The following CFAP20DC variants were observed in gnomAD, a reference collection of about 807,000 sequenced individuals.
CFAP20DC encodes the protein CFAP20 domain containing.
Under a neutral mutation model 101.7 loss-of-function variants are expected in CFAP20DC, and 84 were observed. The observed-to-expected ratio is 0.83, with a 90% CI of 0.69 to 0.99. The LOEUF (loss-of-function observed/expected upper bound fraction) is 0.99. CFAP20DC is among the 50% of genes least tolerant of loss of function. CFAP20DC has a pLI of 0.00. For synonymous variants in CFAP20DC, 359 were observed against 351.2 expected (o/e 1.02, Z -0.25); for missense variants, 1,007 against 970.3 (o/e 1.04, Z -0.50).
At chr3:58,718,485 C>T (rs2067426577) in intron 3 of CFAP20DC, among the ~76,000 whole-genome samples, 1 of 152,208 alleles carries the variant, frequency 6.6e-6, no homozygotes, top group Non-Finnish European at 1.5e-5. Context: ...CCTCTGTCCA[C>T]TCTGGGGCAC....
chr3:58,738,451 G>A (rs1282093844), downstream of CFAP20DC, among the ~76,000 whole-genome samples: 2 of 151,984 alleles, frequency 1.3e-5, no homozygotes, highest in African/African-American at 4.8e-5. This position sits in a 1 kb window ranked among gnomAD's most constrained non-coding sequence, Gnocchi z 4.4. Flanking sequence ...TTAGTTTTCT[G>A]TTCCTGCATT....
At chr3:58,813,561 C>A (rs2074853280) in intron 14 of CFAP20DC, among the ~76,000 whole-genome samples, 2 of 151,790 alleles carry the variant, frequency 1.3e-5, no homozygotes, top group African/African-American at 4.9e-5. Context: ...AGCCATGGTG[C>A]CTGTATATAC....
intron 13 of CFAP20DC, among the ~76,000 whole-genome samples, chr3:58,845,511 G>A (rs1030604957): frequency 5.3e-5 from 8 of 150,306 alleles, no homozygotes; most frequent in Non-Finnish European, 1.2e-4. Flanking sequence ...TGAAATTGTG[G>A]CAATAATCAA....
chr3:58,893,972 C>CA (rs2082465389), intron 6 of CFAP20DC, among the ~76,000 whole-genome samples: 1 of 151,842 alleles, frequency 6.6e-6, no homozygotes, highest in Non-Finnish European at 1.5e-5. Context: ...TGGCAGCAGG[C>CA]AAAAAAAGCT....
Position 58,718,185 on chromosome 3 carries a change from A to G in CFAP20DC, c.198-557T>C, listed in dbSNP as rs138722237. 1.1e-4 allele frequency among the ~76,000 whole-genome samples: 16 copies of G among 152,308 alleles called. No homozygotes were observed. The East Asian group carries it at 3.1e-3, about 29-fold the overall frequency. ...GGATAAAAATGTGGTAGGATTATAA[A>G]AATCACTCACACTGCACCCAGATGG... On this transcript the variant is annotated intron_variant, in intron 3 of 3. Transcript: ENST00000486145.
At position 58,822,904 on chromosome 3, in the gene CFAP20DC, T is replaced by C. The variant is rs546068921; in HGVS notation, c.2175+8782A>G. Among the ~76,000 whole-genome samples, 39 of 152,264 alleles carry C rather than the reference T, an allele frequency of 2.6e-4. 1 individual carries two copies. The South Asian group carries it at 8.1e-3, about 32-fold the overall frequency. On this transcript the variant is annotated intron_variant, in intron 14 of 16. Coordinates refer to ENST00000482387, the MANE Select transcript of CFAP20DC (RefSeq NM_001394063.1). ...CTGGAGCAGGTCATAAGATACTCAT[T>C]TGAGAGATGCCGTCCCTATCCCCTG...
At chr3:58,976,103 T>C (rs1302487100) in intron 4 of CFAP20DC, among the ~76,000 whole-genome samples, 2 of 152,238 alleles carry the variant, frequency 1.3e-5, no homozygotes, top group Admixed American at 6.5e-5. Flanking sequence ...ACTTCACTTA[T>C]ACACCACATT....
chr3:58,877,032 T>G (rs968489812), intron 7 of CFAP20DC, among the ~76,000 whole-genome samples: 2 of 152,242 alleles, frequency 1.3e-5, no homozygotes, highest in African/African-American at 4.8e-5. Context: ...GGCATTTTTG[T>G]TAGAGCACAT....
At chr3:58,909,280 T>C (rs543470804) in intron 6 of CFAP20DC, among the ~76,000 whole-genome samples, 2 of 152,298 alleles carry the variant, frequency 1.3e-5, no homozygotes, top group South Asian at 2.1e-4. Flanking sequence ...AACTCTATAC[T>C]GTCCGCTTCA....
chr3:58,876,974 C>A (rs1473409683), intron 7 of CFAP20DC, among the ~76,000 whole-genome samples: 1 of 152,130 alleles, frequency 6.6e-6, no homozygotes, highest in Admixed American at 6.5e-5. Context: ...CTTTCTAAGC[C>A]TCACCTCTTC....
At chr3:58,936,850 C>G (rs1336887342) in intron 5 of CFAP20DC, among the ~76,000 whole-genome samples, 6 of 151,678 alleles carry the variant, frequency 4.0e-5, no homozygotes, top group Non-Finnish European at 8.8e-5. Flanking sequence ...GTGCAGCACA[C>G]CAGCATGGCA....
At chr3:58,975,111 T>C (rs2092199277) in intron 4 of CFAP20DC, among the ~76,000 whole-genome samples, 1 of 152,192 alleles carries the variant, frequency 6.6e-6, no homozygotes, top group Non-Finnish European at 1.5e-5. Context: ...ACTTGGTGTG[T>C]CCTTATCACA....
intron 1 of CFAP20DC, 121 bp from the exon 2 acceptor site, chr3:59,047,375 C>A (rs1161634728): frequency 4.7e-6 from 3 of 640,450 alleles, no homozygotes; most frequent in Non-Finnish European, 8.0e-6. Flanking sequence ...GAAACATTCT[C>A]CCTGTTATTA....
chr3:59,033,501 C>T (rs556214747), intron 4 of CFAP20DC, among the ~76,000 whole-genome samples: 3 of 152,048 alleles, frequency 2.0e-5, no homozygotes, highest in Admixed American at 6.5e-5. Flanking sequence ...TAGAGAAGAA[C>T]ATAAATGACC....
chr3:59,044,392 C>A (rs977190861), intron 3 of CFAP20DC, among the ~76,000 whole-genome samples: 4 of 152,066 alleles, frequency 2.6e-5, no homozygotes, highest in African/African-American at 9.7e-5. Context: ...CAGTGCAGGG[C>A]AGACTATATA....
chr3:58,892,186 G>C lies in CFAP20DC; in HGVS notation c.551-7477C>G, dbSNP rs1389014399. 6.6e-6 allele frequency among the ~76,000 whole-genome samples: 1 copy of C among 152,092 alleles called. No individual in the cohort carries two copies. Among genetic ancestry groups the C allele is most frequent in the African/African-American group, 2.4e-5 (1 of 41,390 alleles). On this transcript the variant is annotated intron_variant, in intron 6 of 16. Coordinates refer to ENST00000482387, the MANE Select transcript of CFAP20DC (RefSeq NM_001394063.1). The surrounding 1 kb of genome is among the most constrained non-coding windows in gnomAD (Gnocchi z 4.0). ...CTAGGCTCTCTATTCTCTTCCACTG[G>C]TCTATGTGCCTGTTTTCGTATCAGT...
At chr3:58,750,768 T>C (rs942549260) in intron 16 of CFAP20DC, among the ~76,000 whole-genome samples, 4 of 152,324 alleles carry the variant, frequency 2.6e-5, no homozygotes, top group Admixed American at 1.3e-4. Flanking sequence ...ACCCCCACTT[T>C]AGCCAGAGCA....
At chr3:58,735,019 AG>A (rs1321136012) in intron 3 of CFAP20DC, among the ~76,000 whole-genome samples, 1 of 152,208 alleles carries the variant, frequency 6.6e-6, no homozygotes, top group Non-Finnish European at 1.5e-5. Flanking sequence ...CTGACTCACC[AG>A]GGGCTACTAT....
At chr3:58,819,055 G>A (rs1179370272) in intron 14 of CFAP20DC, among the ~76,000 whole-genome samples, 4 of 150,000 alleles carry the variant, frequency 2.7e-5, no homozygotes, top group Admixed American at 6.6e-5. Context: ...GGTACATAAC[G>A]AAATGAAGGC....
Sources: allele counts gnomAD v4.1 joint callset (sites outside exome capture counted in the v4.1 genomes callset), GRCh38; gene constraint gnomAD v4.1.1; non-coding constraint Gnocchi (gnomAD v3.1); transcripts MANE v1.5; gene names NCBI Gene and HGNC (gene_info 2026-07-23, HGNC 2026-07-21).